Variants in TAF2 observed in about 807,000 individuals in gnomAD.
TAF2 encodes transcription initiation factor TFIID subunit 2.
In TAF2, 61 loss-of-function variants were observed where a neutral mutation model predicts 138.5. The observed-to-expected ratio is 0.44, with a 90% confidence interval of 0.36 to 0.54. The LOEUF (loss-of-function observed/expected upper bound fraction) is 0.54. TAF2 is among the 20% of genes least tolerant of loss of function. The pLI, the probability that TAF2 is intolerant of heterozygous loss-of-function variation, is 0.00. For synonymous variants in TAF2, 475 were observed against 469.9 expected (o/e 1.01, Z -0.14); for missense variants, 1,090 against 1,427.9 (o/e 0.76, Z 3.81).
At position 119,731,734 on chromosome 8, in the gene TAF2, C is replaced by T. The variant is rs1587626470; in HGVS notation, c.*190G>A. ...AAATAGTTTATCCAGAACTACAAAACACATTTTCCTAATTAGATCCCAACT... is the reference window on the plus strand; with the variant it reads ...AAATAGTTTATCCAGAACTACAAAATACATTTTCCTAATTAGATCCCAACT... On this transcript the variant is annotated 3_prime_UTR_variant, in exon 26 of 26. Coordinates refer to ENST00000378164, the MANE Select transcript of TAF2 (RefSeq NM_003184.4). 6.3e-6 allele frequency: 4 copies of T among 632,212 alleles called. No individual in the cohort carries two copies. In the East Asian group the frequency reaches 8.3e-5, roughly 13 times the overall value. 39.2% of individuals were successfully genotyped at this position (632,212 alleles called of 1,614,324 possible). A position where few individuals can be genotyped will look rare whatever the true frequency, so the allele number is the denominator to read the frequency against.
At chr8:119,763,573 T>G (rs1288205685) in intron 18 of TAF2, among the ~76,000 whole-genome samples, 1 of 151,618 alleles carries the variant, frequency 6.6e-6, no homozygotes, top group African/African-American at 2.4e-5. Flanking sequence ...CTACTAAAAA[T>G]ACAAAAATTA....
Position 119,788,358 on chromosome 8 carries a change from G to A in TAF2, c.1773C>T (p.Pro591=). 1 of 1,613,190 alleles carries A rather than the reference G, an allele frequency of 6.2e-7. No individual in the cohort carries two copies. The highest frequency in any genetic ancestry group is 8.5e-7 in the Non-Finnish European group (1 of 1,179,556). Residue 591 remains proline, a synonymous_variant, in exon 14 of 26, where the codon CCC becomes CCT. Transcript: ENST00000378164. The part of the protein sequence containing the change: ...IEENSLKHDI[P]CHSKSRRNKK... ...CCTACCTTCTACTTTTGGAATGGCA[G>A]GGTATATCATGTTTAAGGCTGTTTT...
In TAF2 at chr8:119,766,386, C is replaced by T. The variant is rs116734265; in HGVS notation, c.2365-3778G>A. 6.3e-3 allele frequency among the ~76,000 whole-genome samples: 960 copies of T among 152,132 alleles called. 9 individuals carry two copies. The highest frequency in any genetic ancestry group is 0.02 in the Middle Eastern group (6 of 294). On this transcript the variant is annotated intron_variant, in intron 18 of 25. Transcript: ENST00000378164. ...CCCCACAACAAAGAATTATCCAACC[C>T]GAAATATTAGAGGTGCCATGATTGA...
chr8:119,778,066 T>C lies in TAF2; in HGVS notation c.2317A>G (p.Thr773Ala). ...TACTTGATTAAGTCTAAAATAAATG[T>C]TAAGACTTCTTTAGGACAAAGATTA... Reference protein sequence around the residue: ...VHNLCPKEVLTFILDLIKYND... With the variant: ...VHNLCPKEVLAFILDLIKYND... The change falls in exon 18 of 26, where the codon ACA becomes GCA. Residue 773 changes from threonine to alanine, a missense_variant. Thr to Ala is a moderately conservative substitution (Grantham distance 58). Coordinates refer to ENST00000378164, the MANE Select transcript of TAF2 (RefSeq NM_003184.4). 6.3e-7 allele frequency: 1 copy of C among 1,594,976 alleles called. No homozygotes were observed. The highest frequency in any genetic ancestry group is 1.1e-5 in the South Asian group (1 of 89,696).
chr8:119,797,179 C>A, intron 7 of TAF2, 76 bp from the exon 8 acceptor site: 1 of 1,081,592 alleles, frequency 9.2e-7, no homozygotes, highest in Non-Finnish European at 1.4e-6. Context: ...AATAATTCCA[C>A]TTTTAAAACA....
chr8:119,832,467 T>C lies in TAF2; in HGVS notation c.83+15A>G. 6.2e-7 allele frequency: 1 copy of C among 1,612,248 alleles called. No individual in the cohort carries two copies. The highest frequency in any genetic ancestry group is 8.5e-7 in the Non-Finnish European group (1 of 1,178,934). On this transcript the variant is annotated intron_variant, in intron 1 of 25. Transcript: ENST00000378164. ...CAAAACCAAAAGGAAGGAAGGGAAA[T>C]GAAAAAATACTTATAATTTATATGG...
chr8:119,820,672 A>G (rs1825756971), intron 2 of TAF2, among the ~76,000 whole-genome samples: 1 of 152,208 alleles, frequency 6.6e-6, no homozygotes, highest in Admixed American at 6.5e-5. Context: ...AGGGTTTTAA[A>G]TGATATGCAA....
At chr8:119,776,420 T>C (rs1450226492) in intron 18 of TAF2, among the ~76,000 whole-genome samples, 2 of 150,600 alleles carry the variant, frequency 1.3e-5, no homozygotes, top group Non-Finnish European at 3.0e-5. Flanking sequence ...CGGTGGCTCA[T>C]GCCTGTACTC....
chr8:119,788,959 G>T, intron 12 of TAF2, 55 bp from the exon 13 acceptor site: 1 of 1,151,278 alleles, frequency 8.7e-7, no homozygotes, highest in Non-Finnish European at 1.3e-6. Flanking sequence ...ACTAAACAAA[G>T]TAAGTTATCC....
intron 15 of TAF2, among the ~76,000 whole-genome samples, chr8:119,784,735 G>A (rs977253932): frequency 6.6e-6 from 1 of 152,180 alleles, no homozygotes; most frequent in African/African-American, 2.4e-5. Flanking sequence ...TGTTTTGCAA[G>A]CATAGGGAGA....
At chr8:119,784,771 T>G (rs1389727879) in intron 15 of TAF2, among the ~76,000 whole-genome samples, 1 of 152,202 alleles carries the variant, frequency 6.6e-6, no homozygotes, top group Non-Finnish European at 1.5e-5. Flanking sequence ...ACCTTTGTTC[T>G]AAGGACAAAG....
At chr8:119,743,751 C>G (rs1340430309) in intron 24 of TAF2, among the ~76,000 whole-genome samples, 2 of 151,948 alleles carry the variant, frequency 1.3e-5, no homozygotes, top group Non-Finnish European at 2.9e-5. Context: ...GCAGAATTAC[C>G]TACAATACAT....
At chr8:119,750,459 T>C (rs7837213) in intron 22 of TAF2, among the ~76,000 whole-genome samples, 67,723 of 152,086 alleles carry the variant, frequency 0.45, 15,554 homozygotes, top group Admixed American at 0.54. Context: ...TCCTTATTGA[T>C]GGCTGAAGCT....
chr8:119,774,127 C>T (rs967876048), intron 18 of TAF2, among the ~76,000 whole-genome samples: 7 of 151,394 alleles, frequency 4.6e-5, no homozygotes, highest in Admixed American at 6.6e-5. Flanking sequence ...GCCAAGATGG[C>T]GCCACTGCAC....
Position 119,832,739 on chromosome 8 carries a change from G to T in TAF2, c.-175C>A. 1 of 538,612 alleles carries T rather than the reference G, an allele frequency of 1.9e-6. No individual in the cohort carries two copies. Among genetic ancestry groups the T allele is most frequent in the East Asian group, 3.0e-5 (1 of 32,930 alleles). The allele number at this position is 538,612 out of a possible 1,614,324, so 33.4% of individuals were successfully genotyped here. ...CTGCCCGCCTCAACCTCGCTCCTTC[G>T]ACTAGCTCCTAGAAGCCGCCGTCGA... On this transcript the variant is annotated 5_prime_UTR_variant, in exon 1 of 26. Transcript: ENST00000378164.
At chr8:119,795,684 T>A in intron 8 of TAF2, 53 bp from the exon 9 acceptor site, 1 of 1,468,226 alleles carries the variant, frequency 6.8e-7, no homozygotes, top group East Asian at 2.3e-5. Flanking sequence ...ACTCCTCAGA[T>A]AATGTCAAAG....
chr8:119,818,730 G>A (rs1825634168), intron 3 of TAF2, among the ~76,000 whole-genome samples: 1 of 122,856 alleles, frequency 8.1e-6, no homozygotes, highest in Non-Finnish European at 1.8e-5. Context: ...AAAAAATGAA[G>A]TCCACACACA....
At chr8:119,797,917 C>G in intron 6 of TAF2, 71 bp from the exon 7 acceptor site, 1 of 1,342,968 alleles carries the variant, frequency 7.4e-7, no homozygotes, top group Non-Finnish European at 1.0e-6. Flanking sequence ...TTCCTAAACA[C>G]CTCAACTATA....
At chr8:119,786,112 G>A (rs961129648) in intron 14 of TAF2, among the ~76,000 whole-genome samples, 2 of 152,066 alleles carry the variant, frequency 1.3e-5, no homozygotes, top group Non-Finnish European at 2.9e-5. Flanking sequence ...CTGAAAGTTC[G>A]TATTTCTCCA....
Sources: gnomAD v4.1 joint callset for allele counts (sites outside exome capture counted in the v4.1 genomes callset) on GRCh38, gnomAD v4.1.1 for gene constraint, MANE v1.5 for transcripts, NCBI Gene and HGNC (gene_info 2026-07-23, HGNC 2026-07-21) for gene names.